Variants in BCLAF3 observed in about 807,000 individuals in gnomAD.
The protein encoded by BCLAF3 is BCLAF1 and THRAP3 family member 3, also known as transient octamer binding factor 1.
In BCLAF3, 24 loss-of-function variants were observed where a neutral mutation model predicts 51.2. The ratio of observed to expected loss-of-function variants is 0.47; its 90% CI spans 0.34 to 0.66. The LOEUF (loss-of-function observed/expected upper bound fraction) is 0.66. BCLAF3 is among the 30% of genes least tolerant of loss of function. The probability of loss-of-function intolerance (pLI) is 0.01; values close to 1 mark genes in which losing one functional copy is unlikely to be tolerated. For missense variants in BCLAF3, 465 were observed against 525.1 expected (o/e 0.89, Z 1.12); for synonymous variants, 152 against 176.6 (o/e 0.86, Z 1.10).
chrX:19,958,399 A>G (rs1048624905), intron 4 of BCLAF3, among the ~76,000 whole-genome samples: 11 of 112,050 alleles, frequency 9.8e-5, no homozygotes, highest in Non-Finnish European at 1.7e-4. Context: ...CGTACGACAC[A>G]TATAAAGTTT....
chrX:19,940,557 G>T (rs1255697792), intron 8 of BCLAF3, among the ~76,000 whole-genome samples: 2 of 110,760 alleles, frequency 1.8e-5, no homozygotes, highest in African/African-American at 3.3e-5. Context: ...TACTGAGAAT[G>T]ATGATTTCCA....
chrX:19,960,044 C>T (rs2071799425), intron 4 of BCLAF3, among the ~76,000 whole-genome samples: 1 of 111,668 alleles, frequency 9.0e-6, no homozygotes. Context: ...GATCTGCCTG[C>T]CTCAGCCTCC....
chrX:19,971,110 G>A (rs2072242137), intron 1 of BCLAF3, among the ~76,000 whole-genome samples: 1 of 112,094 alleles, frequency 8.9e-6, no homozygotes. Context: ...TTTCTTTTGA[G>A]ACAGGGTTTT....
intron 4 of BCLAF3, 39 bp from the exon 5 acceptor site, chrX:19,955,605 A>G (rs370426863): frequency 9.4e-7 from 1 of 1,067,058 alleles, no homozygotes; most frequent in Non-Finnish European, 1.3e-6. Flanking sequence ...ATTTGAAACT[A>G]TTTTGTGGAG....
chrX:19,985,917 C>T (rs995542978), intron 1 of BCLAF3, among the ~76,000 whole-genome samples: 7 of 110,549 alleles, frequency 6.3e-5, no homozygotes, highest in Admixed American at 1.9e-4. Flanking sequence ...ACTGACTGCA[C>T]GTCAGTCTGA....
Position 19,913,307 on chromosome X carries a change from C to G in BCLAF3, c.*3998G>C, listed in dbSNP as rs1210764304. ...CAGGCTGGTCTCAAACTCCTGACCT[C>G]AAGTGATCCACTCGCCTCGGCCTCC... On this transcript the variant is annotated 3_prime_UTR_variant, in exon 12 of 12. Transcript: ENST00000379682. The G allele has an allele frequency of 1.8e-5, 2 of 111,896 alleles. No individual in the cohort carries two copies. The highest frequency in any genetic ancestry group is 6.5e-5 in the African/African-American group (2 of 30,772). 9.2% of individuals were successfully genotyped at this position (111,896 alleles called of 1,213,427 possible).
intron 1 of BCLAF3, among the ~76,000 whole-genome samples, chrX:19,974,874 T>G (rs1238859800): frequency 9.0e-6 from 1 of 111,336 alleles, no homozygotes; most frequent in East Asian, 2.8e-4. Context: ...AGAGTGAGAC[T>G]GCATCTCAAA....
intron 11 of BCLAF3, among the ~76,000 whole-genome samples, chrX:19,920,524 TAA>T: frequency 9.0e-6 from 1 of 111,282 alleles, no homozygotes; most frequent in East Asian, 2.8e-4. Context: ...TAAGGTAAGA[TAA>T]AAGACTAACG....
chrX:19,917,051 T>C lies in BCLAF3; in HGVS notation c.*254A>G, dbSNP rs2069954461. On this transcript the variant is annotated 3_prime_UTR_variant, in exon 12 of 12. Transcript: ENST00000379682. ...CAGAGAAAAATGCATCAACAAATAA[T>C]GCCCTTCAAGTGATTCTTTTGAGAC... is the stretch of plus-strand genomic sequence containing the variant. The C allele has an allele frequency of 2.8e-6, 1 of 352,369 alleles. No individual in the cohort carries two copies. The highest frequency in any genetic ancestry group is 4.8e-6 in the Non-Finnish European group (1 of 206,474). The allele number at this position is 352,369 out of a possible 1,213,427, so 29.0% of individuals were successfully genotyped here. A position where few individuals can be genotyped will look rare whatever the true frequency, so the allele number is the denominator to read the frequency against.
chrX:19,940,509 G>A (rs1290736920), intron 8 of BCLAF3, among the ~76,000 whole-genome samples: 1 of 110,389 alleles, frequency 9.1e-6, no homozygotes, highest in African/African-American at 3.3e-5. Context: ...CTATGAGTGA[G>A]AATATGCGGT....
intron 8 of BCLAF3, among the ~76,000 whole-genome samples, chrX:19,950,505 T>G (rs2071442755): frequency 8.9e-6 from 1 of 112,319 alleles, no homozygotes; most frequent in Non-Finnish European, 1.9e-5. Context: ...GTGGTAACAC[T>G]CCTCATCAGA....
intron 11 of BCLAF3, among the ~76,000 whole-genome samples, chrX:19,924,571 C>G (rs2070298672): frequency 9.0e-6 from 1 of 111,063 alleles, no homozygotes; most frequent in South Asian, 3.8e-4. Context: ...TCTTTCAACC[C>G]CCAAAACCAC....
In BCLAF3 at chrX:19,964,984, C is replaced by G. The variant is rs2071996005; in HGVS notation, c.1274+60G>C. The G allele has an allele frequency of 6.2e-6, 6 of 969,969 alleles. No homozygotes were observed. In the Admixed American group the frequency reaches 1.1e-4, roughly 17 times the overall value. The allele number at this position is 969,969 out of a possible 1,213,427, so 79.9% of individuals were successfully genotyped here. On this transcript the variant is annotated intron_variant, in intron 4 of 11. Coordinates refer to ENST00000379682, the MANE Select transcript of BCLAF3 (RefSeq NM_001367774.2). ...CACACTATTAATTCCATTTTTGAAG[C>G]TGCAAATAAAGATTGTAGAAACATT...
chrX:19,965,412 C>G lies in BCLAF3; in HGVS notation c.906G>C (p.Lys302Asn). 5.8e-6 allele frequency: 7 copies of G among 1,211,574 alleles called. No individual in the cohort carries two copies. Among genetic ancestry groups the G allele is most frequent in the Non-Finnish European group, 7.8e-6 (7 of 895,367 alleles). Residue 302 changes from lysine (K) to asparagine (N), a missense_variant, in exon 4 of 12, where the codon AAG becomes AAC. Coordinates refer to ENST00000379682, the MANE Select transcript of BCLAF3 (RefSeq NM_001367774.2). ...DQDFSDGRTQ[K>N]YCKEEDRKYS... ...ATTTTCTATCTTCTTCCTTACAGTA[C>G]TTCTGAGTTCTCCCATCAGAAAAGT... is the stretch of plus-strand genomic sequence containing the variant.
At chrX:19,941,299 G>T (rs1229941817) in intron 8 of BCLAF3, among the ~76,000 whole-genome samples, 15 of 106,231 alleles carry the variant, frequency 1.4e-4, no homozygotes, top group African/African-American at 4.4e-4. Context: ...GTCAATTTTG[G>T]CTTTTGTTGC....
chrX:19,950,954 C>T, intron 7 of BCLAF3, 86 bp from the exon 8 acceptor site: 1 of 590,704 alleles, frequency 1.7e-6, no homozygotes, highest in Admixed American at 2.6e-5. Context: ...AATTACAAGT[C>T]CTAGATAAGT....
chrX:19,963,946 C>A (rs942718372), intron 4 of BCLAF3, among the ~76,000 whole-genome samples: 1 of 111,582 alleles, frequency 9.0e-6, no homozygotes, highest in African/African-American at 3.3e-5. Context: ...ATCATCTGAG[C>A]CCAAGAGTTT....
At chrX:19,950,693 T>C in intron 8 of BCLAF3, 60 bp downstream of exon 8, 1 of 858,056 alleles carries the variant, frequency 1.2e-6, no homozygotes, top group Middle Eastern at 2.8e-4. Context: ...ACAAAAAATG[T>C]AAAAATATGG....
intron 5 of BCLAF3, among the ~76,000 whole-genome samples, chrX:19,954,630 A>C (rs2071601095): frequency 8.9e-6 from 1 of 112,235 alleles, no homozygotes; most frequent in South Asian, 3.7e-4. Flanking sequence ...AAGTAAATAC[A>C]TGCCTTAGTT....
Sources: gnomAD v4.1 joint callset for allele counts (sites outside exome capture counted in the v4.1 genomes callset) on GRCh38, gnomAD v4.1.1 for gene constraint, MANE v1.5 for transcripts, NCBI Gene and HGNC (gene_info 2026-07-23, HGNC 2026-07-21) for gene names.